Variants in IPO4 observed in about 807,000 individuals in gnomAD.
IPO4 encodes the protein importin-4.
IPO4 carries 91 observed loss-of-function variants against 133.5 expected under a neutral mutation model. The ratio of observed to expected loss-of-function variants is 0.68; its 90% confidence interval spans 0.58 to 0.81. IPO4 has a LOEUF of 0.81. IPO4 is among the 30% of genes least tolerant of loss of function. The pLI, the probability that IPO4 is intolerant of heterozygous loss-of-function variation, is 0.00. For missense variants in IPO4, 1,279 were observed against 1,386.2 expected, an observed-to-expected ratio of 0.92 and a Z score of 1.23; for synonymous variants, 607 against 581.6, an observed-to-expected ratio of 1.04 and a Z score of -0.63.
At chr14:24,187,246 G>A in intron 6 of IPO4, 96 bp from the exon 7 acceptor site, 1 of 1,497,086 alleles carries the variant, frequency 6.7e-7, no homozygotes, top group Non-Finnish European at 9.3e-7. Context: ...AGGAGCCCAG[G>A]CATAACAGCC....
chr14:24,180,626 G>A lies in IPO4; in HGVS notation c.3116-54C>T, dbSNP rs371255125. 3 of 1,612,578 alleles carry A rather than the reference G, an allele frequency of 1.9e-6. No homozygotes were observed. The East Asian group carries it at 6.7e-5, about 36-fold the overall frequency. On this transcript the variant is annotated intron_variant, in intron 29 of 29. Coordinates refer to ENST00000354464, the MANE Select transcript of IPO4 (RefSeq NM_024658.4). ...GGGCTCCTAAAGCCTCGCTGCCCCAGGCTCTCTGAGCCCTGCCACTCCCAG... is the reference window on the plus strand; with the variant it reads ...GGGCTCCTAAAGCCTCGCTGCCCCAAGCTCTCTGAGCCCTGCCACTCCCAG...
chr14:24,181,031 C>T (rs2039128844), intron 28 of IPO4, among the ~76,000 whole-genome samples: 1 of 152,198 alleles, frequency 6.6e-6, no homozygotes, highest in Non-Finnish European at 1.5e-5. Flanking sequence ...GCTTCACCTA[C>T]ACAACAGTCT....
At chr14:24,183,974 C>CCCCCCCCCCCCCCAACCA in intron 18 of IPO4, 24 bp downstream of exon 18, 1 of 527,136 alleles carries the variant, frequency 1.9e-6, no homozygotes, top group Non-Finnish European at 3.7e-6. Context: ...CAGGCCTGGC[C>CCCCCCCCCCCCCCAACCA]CAGCCCACCC....
At chr14:24,188,675 C>A in intron 1 of IPO4, 37 bp from the exon 2 acceptor site, 1 of 1,600,624 alleles carries the variant, frequency 6.2e-7, no homozygotes, top group East Asian at 2.3e-5. Context: ...GGGCCTTTCC[C>A]GCAACCTCCC....
intron 25 of IPO4, 24 bp downstream of exon 25, chr14:24,182,254 T>C (rs1302078989): frequency 1.2e-6 from 2 of 1,614,104 alleles, no homozygotes; most frequent in Non-Finnish European, 1.7e-6. Context: ...GACTAGGGCT[T>C]GAAGCCAGAA....
rs2039216894 is a variant in IPO4 at position 24,186,024 on chromosome 14, T to G, written c.1060-54A>C. The stretch of plus-strand genomic sequence containing the variant: ...ACCCCAGCAAGAGCCTGCCCATTCC[T>G]GTGGTAATAGGCCTTCACACCTCCC... On this transcript the variant is annotated intron_variant, in intron 11 of 29. Coordinates refer to ENST00000354464, the MANE Select transcript of IPO4 (RefSeq NM_024658.4). 3 of 1,590,964 alleles carry G rather than the reference T, an allele frequency of 1.9e-6. No individual in the cohort carries two copies. The Admixed American group carries it at 5.0e-5, about 27-fold the overall frequency.
chr14:24,182,227 C>CA, intron 25 of IPO4, 51 bp downstream of exon 25: 1 of 1,613,812 alleles, frequency 6.2e-7, no homozygotes. Flanking sequence ...CTGTGGTGGG[C>CA]ACCGGGTGCA....
rs761946456 is a variant in IPO4, at chr14:24,186,166, G to A, written c.1022C>T (p.Ala341Val). The A allele has an allele frequency of 6.2e-6, 10 of 1,613,790 alleles. No homozygotes were observed. Among genetic ancestry groups the A allele is most frequent in the Admixed American group, 5.0e-5 (3 of 59,984 alleles). ...HFAVQVVDML[A>V]LHLPPEKLCP... ...GAGCTTCTCGGGGGGCAGGTGTAGT[G>A]CCAGCATGTCCACAACCTGAGATGG... is the stretch of plus-strand genomic sequence containing the variant. Residue 341 changes from alanine (A) to valine (V), a missense_variant, in exon 11 of 30, where the codon GCA becomes GTA. Ala to Val is a moderately conservative substitution (Grantham distance 64, BLOSUM62 0). Coordinates refer to ENST00000354464, the MANE Select transcript of IPO4 (RefSeq NM_024658.4).
rs747615290 is a variant in IPO4 at position 24,180,257 on chromosome 14, A to G, written c.*185T>C. On this transcript the variant is annotated 3_prime_UTR_variant, in exon 30 of 30. Transcript: ENST00000354464. ...GAAAACAAGCTGCTTTTATTACAGT[A>G]TGATGTCATGACTCATTTGTAACAG... 3.2e-6 allele frequency: 5 copies of G among 1,550,964 alleles called. No individual in the cohort carries two copies. Among genetic ancestry groups the G allele is most frequent in the Non-Finnish European group, 4.4e-6 (5 of 1,145,968 alleles).
chr14:24,183,698 A>C (rs1446802334), intron 19 of IPO4, 31 bp from the exon 20 acceptor site: 1 of 1,614,028 alleles, frequency 6.2e-7, no homozygotes, highest in East Asian at 2.2e-5. Flanking sequence ...AGTGGTGATC[A>C]GGCACCAAGA....
chr14:24,184,645 C>T lies in IPO4; in HGVS notation c.1636+5G>A. On this transcript the variant is annotated splice_donor_5th_base_variant and intron_variant, in intron 16 of 29. Transcript: ENST00000354464. ...GGGAGCCCCACCTGGGAACCTCTCA[C>T]TCACCCAGGCTCTGGATCTGCACAG... 1.3e-6 allele frequency: 2 copies of T among 1,578,686 alleles called. No homozygotes were observed. Among genetic ancestry groups the T allele is most frequent in the Non-Finnish European group, 8.6e-7 (1 of 1,161,222 alleles).
In IPO4 at chr14:24,186,124, C is replaced by T. The variant is rs1387180436; in HGVS notation, c.1059+5G>A. Reference sequence around the variant, plus strand: ...GGGACACCAGAAGGACAGAGCCACACTTACCAGCTGGGGACAGAGCTTCTC... The same window carrying T: ...GGGACACCAGAAGGACAGAGCCACATTTACCAGCTGGGGACAGAGCTTCTC... On this transcript the variant is annotated splice_donor_5th_base_variant and intron_variant, in intron 11 of 29. Coordinates refer to ENST00000354464, the MANE Select transcript of IPO4 (RefSeq NM_024658.4). 6 of 1,613,618 alleles carry T rather than the reference C, an allele frequency of 3.7e-6. No individual in the cohort carries two copies. Among genetic ancestry groups the T allele is most frequent in the Non-Finnish European group, 5.1e-6 (6 of 1,179,914 alleles).
chr14:24,188,524 G>A (rs774717304), intron 2 of IPO4, 28 bp downstream of exon 2: 1 of 1,609,088 alleles, frequency 6.2e-7, no homozygotes, highest in Non-Finnish European at 8.5e-7. Context: ...ACAGTGGGAA[G>A]CTCGGAGGGG....
intron 4 of IPO4, chr14:24,188,001 C>A: frequency 1.3e-6 from 1 of 763,818 alleles, no homozygotes; most frequent in Non-Finnish European, 2.1e-6. Context: ...TCTAACTTAG[C>A]CTGAATTTCA....
In IPO4 at chr14:24,187,165, A is replaced by C. The variant is rs1362809571; in HGVS notation, c.589-15T>G. On this transcript the variant is annotated splice_polypyrimidine_tract_variant and intron_variant, in intron 6 of 29. Coordinates refer to ENST00000354464, the MANE Select transcript of IPO4 (RefSeq NM_024658.4). Reference sequence around the variant, plus strand: ...CGAGCGAGAGGCTGAGGGACACATCACAGAGAGCATGATGCAGCCCAATCT... The same window carrying C: ...CGAGCGAGAGGCTGAGGGACACATCCCAGAGAGCATGATGCAGCCCAATCT... 1.2e-6 allele frequency: 2 copies of C among 1,612,692 alleles called. No individual in the cohort carries two copies.
At position 24,185,884 on chromosome 14, in the gene IPO4, T is replaced by C; in HGVS notation, c.1146A>G (p.Gly382=). ...GLLVLAVLSD[G]AGDHIRQRLL... ...ACCTCTGCCTGATGTGGTCGCCAGC[T>C]CCGTCAGACAGCACGGCCAGCACCA... The change falls in exon 12 of 30, where the codon GGA becomes GGG. Residue 382 remains glycine (G), a synonymous_variant. Coordinates refer to ENST00000354464, the MANE Select transcript of IPO4 (RefSeq NM_024658.4). 1 of 1,613,804 alleles carries C rather than the reference T, an allele frequency of 6.2e-7. No homozygotes were observed. Among genetic ancestry groups the C allele is most frequent in the Non-Finnish European group, 8.5e-7 (1 of 1,179,946 alleles).
Position 24,186,259 on chromosome 14 carries a change from T to C in IPO4, c.1005+28A>G, listed in dbSNP as rs554217387. The C allele has an allele frequency of 7.0e-4, 1,127 of 1,599,600 alleles. 18 individuals carry two copies. In the South Asian group the frequency reaches 0.012, roughly 17 times the overall value. ...AACGTCCCACAGCCACCTAACACCT[T>C]CCCCCTCTGTCCTGCCCCACATCTC... On this transcript the variant is annotated intron_variant, in intron 10 of 29. Coordinates refer to ENST00000354464, the MANE Select transcript of IPO4 (RefSeq NM_024658.4).
chr14:24,187,604 A>G lies in IPO4; in HGVS notation c.409-25T>C, dbSNP rs1223823004. On this transcript the variant is annotated intron_variant, in intron 5 of 29. Coordinates refer to ENST00000354464, the MANE Select transcript of IPO4 (RefSeq NM_024658.4). Reference sequence around the variant, plus strand: ...TCTGTCCAAGAATAGAGGATGGGAGAGCAAGCTTACAAGGTCTATCCAGCC... The same window carrying G: ...TCTGTCCAAGAATAGAGGATGGGAGGGCAAGCTTACAAGGTCTATCCAGCC... The G allele has an allele frequency of 5.0e-6, 8 of 1,613,880 alleles. No homozygotes were observed. In the African/African-American group the frequency reaches 6.7e-5, roughly 13 times the overall value.
Position 24,188,541 on chromosome 14 carries a change from A to AG in IPO4, c.156+10dup, listed in dbSNP as rs1566646153. The stretch of plus-strand genomic sequence containing the variant: ...AGTGGGAAGCTCGGAGGGGAGAGTC[A>AG]GGGGTCTCACCTGGGGGTCGGCCGC... On this transcript the variant is annotated intron_variant, in intron 2 of 29. Transcript: ENST00000354464. The AG allele has an allele frequency of 6.2e-7, 1 of 1,610,956 alleles. No individual in the cohort carries two copies. Among genetic ancestry groups the AG allele is most frequent in the Admixed American group, 1.7e-5 (1 of 59,870 alleles).
Sources: allele counts gnomAD v4.1 joint callset (sites outside exome capture counted in the v4.1 genomes callset), GRCh38; gene constraint gnomAD v4.1.1; transcripts MANE v1.5; gene names NCBI Gene and HGNC (gene_info 2026-07-23, HGNC 2026-07-21).